VPS13B: variants seen among roughly 807,000 people sequenced by gnomAD.
VPS13B encodes the protein vacuolar protein sorting 13 homolog B, also known as intermembrane lipid transfer protein VPS13B.
Under a neutral mutation model 426.4 loss-of-function variants are expected in VPS13B, and 285 were observed. The observed-to-expected ratio is 0.67, with a 90% CI of 0.61 to 0.74. The LOEUF (loss-of-function observed/expected upper bound fraction) is 0.74. VPS13B is among the 30% of genes least tolerant of loss of function. VPS13B has a pLI of 0.00. For missense variants in VPS13B, 4,537 were observed against 4,782.6 expected (o/e 0.95, Z 1.51); for synonymous variants, 1,676 against 1,676.4 (o/e 1.00, Z 0.01).
chr8:99,191,475 C>T (rs927084575), intron 16 of VPS13B, among the ~76,000 whole-genome samples: 2 of 148,258 alleles, frequency 1.3e-5, no homozygotes, highest in Non-Finnish European at 3.0e-5. Context: ...TTTCTGCCTC[C>T]TGAGTTTAAG....
intron 25 of VPS13B, among the ~76,000 whole-genome samples, chr8:99,485,017 C>T (rs1213486234): frequency 6.6e-6 from 1 of 152,102 alleles, no homozygotes; most frequent in Admixed American, 6.6e-5. Flanking sequence ...TTTAGTGAGT[C>T]TTCATTTTAT....
At chr8:99,349,349 A>AAAG (rs1303472339) in intron 19 of VPS13B, among the ~76,000 whole-genome samples, 33 of 149,422 alleles carry the variant, frequency 2.2e-4, no homozygotes, top group Middle Eastern at 3.4e-3. Flanking sequence ...AAAAAAAAAA[A>AAAG]AAAAAAGAAA....
intron 43 of VPS13B, among the ~76,000 whole-genome samples, chr8:99,808,508 CA>C (rs758638504): frequency 0.088 from 5,726 of 64,942 alleles, 91 homozygotes; most frequent in Middle Eastern, 0.16. Flanking sequence ...GAGCGAGACT[CA>C]AAAAAAAAAA....
chr8:99,527,722 G>T (rs1188917733), intron 30 of VPS13B: 3 of 152,158 alleles, frequency 2.0e-5, no homozygotes, highest in Non-Finnish European at 4.4e-5. Flanking sequence ...AAAATTACCT[G>T]TGGTGAAAGT....
chr8:99,081,131 A>G (rs1455130023), intron 3 of VPS13B, among the ~76,000 whole-genome samples: 1 of 152,090 alleles, frequency 6.6e-6, no homozygotes, highest in Non-Finnish European at 1.5e-5. Context: ...AAAATTGGGG[A>G]TTCACTCTGT....
intron 17 of VPS13B, among the ~76,000 whole-genome samples, chr8:99,248,168 G>A (rs560678396): frequency 6.6e-6 from 1 of 152,266 alleles, no homozygotes; most frequent in East Asian, 1.9e-4. Context: ...AGGGATTGAT[G>A]TTTAATATTC....
chr8:99,867,375 G>A (rs1045903981), intron 58 of VPS13B, among the ~76,000 whole-genome samples: 2 of 152,194 alleles, frequency 1.3e-5, no homozygotes, highest in Admixed American at 1.3e-4. Context: ...GCTGCCTCAG[G>A]CTCAGTGCAG....
At chr8:99,644,736 G>A (rs1338078135) in intron 34 of VPS13B, among the ~76,000 whole-genome samples, 1 of 152,130 alleles carries the variant, frequency 6.6e-6, no homozygotes, top group Admixed American at 6.5e-5. Flanking sequence ...TTATCAATAT[G>A]CATGATAATA....
intron 17 of VPS13B, chr8:99,234,311 T>C: frequency 2.6e-6 from 2 of 757,972 alleles, no homozygotes; most frequent in Non-Finnish European, 5.0e-6. Flanking sequence ...TTCCACATTC[T>C]CCACTATCCC....
intron 23 of VPS13B, among the ~76,000 whole-genome samples, chr8:99,447,115 G>A (rs1817959862): frequency 6.6e-6 from 1 of 151,940 alleles, no homozygotes; most frequent in Non-Finnish European, 1.5e-5. Context: ...TCTTTTCTGT[G>A]CTACTTATTT....
intron 30 of VPS13B, among the ~76,000 whole-genome samples, chr8:99,535,901 G>C (rs1032007758): frequency 1.3e-5 from 2 of 151,720 alleles, no homozygotes; most frequent in African/African-American, 4.8e-5. Flanking sequence ...AATAATTTCT[G>C]AGCCAATGTC....
chr8:99,491,166 G>T lies in VPS13B; in HGVS notation c.3870+9364G>T, dbSNP rs548031825. Among the ~76,000 whole-genome samples, 77 of 152,250 alleles carry T rather than the reference G, an allele frequency of 5.1e-4. 1 individual carries two copies. The highest frequency in any genetic ancestry group is 3.4e-3 in the Middle Eastern group (1 of 294). ...CTGCCTTCATTTCGTTATTTACCTA[G>T]TAGTCATTCACGAGCAGGTTGTTCA... On this transcript the variant is annotated intron_variant, in intron 25 of 61. Transcript: ENST00000357162.
At chr8:99,331,999 A>G (rs985658839) in intron 19 of VPS13B, among the ~76,000 whole-genome samples, 3 of 151,718 alleles carry the variant, frequency 2.0e-5, no homozygotes, top group African/African-American at 7.2e-5. Flanking sequence ...TCTCAAAATC[A>G]TTTTTTCAGA....
At chr8:99,721,153 A>T (rs1359318625) in intron 39 of VPS13B, 106 bp downstream of exon 39, 3 of 1,162,842 alleles carry the variant, frequency 2.6e-6, no homozygotes, top group East Asian at 4.8e-5. Context: ...TAATAGTATC[A>T]GAGAGAAATA....
chr8:99,861,338 G>A (rs1588796876), intron 57 of VPS13B, among the ~76,000 whole-genome samples: 2 of 152,120 alleles, frequency 1.3e-5, no homozygotes, highest in East Asian at 3.9e-4. Context: ...GTCTCACTCT[G>A]CCACTCAGGC....
Position 99,507,128 on chromosome 8 carries a change from G to A in VPS13B, c.4158-9G>A. The A allele has an allele frequency of 6.2e-7, 1 of 1,613,892 alleles. No homozygotes were observed. Among genetic ancestry groups the A allele is most frequent in the Non-Finnish European group, 8.5e-7 (1 of 1,179,876 alleles). ...AAGAGAACAGATAAGGTGAACTTAT[G>A]TTTTCCAGGCCAGGGGAAGGTTGGC... is the stretch of plus-strand genomic sequence containing the variant. On this transcript the variant is annotated splice_polypyrimidine_tract_variant and intron_variant, in intron 27 of 61. Coordinates refer to ENST00000357162, the MANE Select transcript of VPS13B (RefSeq NM_152564.5).
At chr8:99,157,928 A>T (rs184851356) in intron 15 of VPS13B, among the ~76,000 whole-genome samples, 21 of 152,314 alleles carry the variant, frequency 1.4e-4, no homozygotes, top group Non-Finnish European at 1.5e-5. Flanking sequence ...CTTAAATGAA[A>T]AGCAAGGCCC....
chr8:99,593,173 G>A (rs1448116963), intron 33 of VPS13B, among the ~76,000 whole-genome samples: 2 of 151,898 alleles, frequency 1.3e-5, no homozygotes, highest in East Asian at 1.9e-4. Flanking sequence ...ATCTGACAAA[G>A]GTCTAATATC....
At chr8:99,511,549 A>G (rs1821789478) in intron 29 of VPS13B, 37 bp downstream of exon 29, 1 of 1,596,296 alleles carries the variant, frequency 6.3e-7, no homozygotes, top group Admixed American at 1.7e-5. Flanking sequence ...GATTTTAAAT[A>G]ATTTTCTTCT....
Sources: gnomAD v4.1 joint callset for allele counts (sites outside exome capture counted in the v4.1 genomes callset) on GRCh38, gnomAD v4.1.1 for gene constraint, MANE v1.5 for transcripts, NCBI Gene and HGNC (gene_info 2026-07-23, HGNC 2026-07-21) for gene names.